Variants in GPC3 observed in about 807,000 individuals in gnomAD.
The protein encoded by GPC3 is glypican 3.
A neutral mutation model predicts 34.4 loss-of-function variants in GPC3; 3 were observed. The observed-to-expected ratio is 0.09, with a 90% CI of 0.04 to 0.23. The LOEUF (loss-of-function observed/expected upper bound fraction) is 0.23. Ranked by LOEUF, GPC3 falls within the 10% of genes least tolerant of loss-of-function variation. The pLI is 1.00. For missense variants in GPC3, 351 were observed against 445.6 expected, an observed-to-expected ratio of 0.79 and a Z score of 1.91; for synonymous variants, 177 against 174.0, an observed-to-expected ratio of 1.02 and a Z score of -0.13.
chrX:133,790,933 G>A (rs1416801289), intron 2 of GPC3, among the ~76,000 whole-genome samples: 1 of 111,856 alleles, frequency 8.9e-6, no homozygotes, highest in Non-Finnish European at 1.9e-5. Context: ...ATGAAAGATG[G>A]TGTGGGTGTG....
rs748944928 is a variant in GPC3, at chrX:133,787,418, T to C, written c.338-33242A>G. Among the ~76,000 whole-genome samples, 3 of 112,737 alleles carry C rather than the reference T, an allele frequency of 2.7e-5. No individual in the cohort carries two copies. In the South Asian group the frequency reaches 1.1e-3, roughly 42 times the overall value. ...CAATGATTAACTTTCAGGATTTTTTTCCCCATTGTTGTAGAAGGTCTTTAC... is the reference window on the plus strand; with the variant it reads ...CAATGATTAACTTTCAGGATTTTTTCCCCCATTGTTGTAGAAGGTCTTTAC... On this transcript the variant is annotated intron_variant, in intron 2 of 7. Coordinates refer to ENST00000370818, the MANE Select transcript of GPC3 (RefSeq NM_004484.4).
rs561498901 is a variant in GPC3, at chrX:133,556,090, C to T, written c.1574-19797G>A. On this transcript the variant is annotated intron_variant, in intron 7 of 7. Coordinates refer to ENST00000370818, the MANE Select transcript of GPC3 (RefSeq NM_004484.4). ...TTCTTTCAATTACCATTGTTTGCTA[C>T]GGCTTAGATTATGTTCTTATAATTT... Among the ~76,000 whole-genome samples the T allele has an allele frequency of 2.2e-4, 25 of 111,719 alleles. No individual in the cohort carries two copies. The South Asian group carries it at 2.3e-3, about 10-fold the overall frequency.
intron 6 of GPC3, among the ~76,000 whole-genome samples, chrX:133,610,783 T>G (rs2070101287): frequency 9.8e-6 from 1 of 102,317 alleles, no homozygotes; most frequent in Admixed American, 1.1e-4. Flanking sequence ...TTAGATGTAT[T>G]GAGCACCCAG....
chrX:133,881,574 G>C (rs955341862), intron 2 of GPC3, among the ~76,000 whole-genome samples: 7 of 112,247 alleles, frequency 6.2e-5, no homozygotes, highest in Admixed American at 5.7e-4. Context: ...TCTTCATGTT[G>C]ATCATCATGT....
At chrX:133,866,927 G>A (rs768532521) in intron 2 of GPC3, among the ~76,000 whole-genome samples, 21 of 111,794 alleles carry the variant, frequency 1.9e-4, no homozygotes, top group Admixed American at 4.7e-4. Flanking sequence ...GCCAAGTGCA[G>A]TGGCTCACAC....
intron 7 of GPC3, among the ~76,000 whole-genome samples, chrX:133,547,343 A>G (rs1458397468): frequency 9.0e-6 from 1 of 110,770 alleles, no homozygotes; most frequent in East Asian, 2.8e-4. Context: ...TAATTTAAAG[A>G]AAAAAAAACT....
chrX:133,575,860 A>G (rs1422002795), intron 7 of GPC3, among the ~76,000 whole-genome samples: 2 of 111,670 alleles, frequency 1.8e-5, no homozygotes, highest in Non-Finnish European at 3.8e-5. Flanking sequence ...TTTCGGGTCC[A>G]GGCTCAGGCA....
At chrX:133,660,096 G>A (rs765506886) in intron 6 of GPC3, among the ~76,000 whole-genome samples, 2 of 112,063 alleles carry the variant, frequency 1.8e-5, no homozygotes, top group African/African-American at 6.5e-5. Context: ...TGCTCACTGA[G>A]TACAGAGCAC....
chrX:133,688,936 A>C (rs1044559333), intron 5 of GPC3, among the ~76,000 whole-genome samples: 13 of 111,607 alleles, frequency 1.2e-4, no homozygotes, highest in Non-Finnish European at 2.3e-4. Context: ...ATTCCTGAGT[A>C]ATTTTTAAAA....
At chrX:133,693,191 G>A (rs1277792944) in intron 4 of GPC3, among the ~76,000 whole-genome samples, 5 of 107,687 alleles carry the variant, frequency 4.6e-5, no homozygotes, top group Non-Finnish European at 7.6e-5. Context: ...GTGTGTGTGT[G>A]TGTGTGTGTG....
chrX:133,599,692 A>G (rs2069959138), intron 6 of GPC3, among the ~76,000 whole-genome samples: 1 of 111,854 alleles, frequency 8.9e-6, no homozygotes, highest in African/African-American at 3.2e-5. Context: ...TGCTTTCGAT[A>G]TAAGCATTTT....
chrX:133,577,481 T>C (rs761152179), intron 7 of GPC3, among the ~76,000 whole-genome samples: 3 of 111,878 alleles, frequency 2.7e-5, no homozygotes, highest in Non-Finnish European at 3.8e-5. Context: ...TAAAATTCAA[T>C]ACCCTTCCTA....
intron 7 of GPC3, among the ~76,000 whole-genome samples, chrX:133,555,784 T>C (rs5977891): frequency 0.33 from 35,273 of 106,324 alleles, 8,343 homozygotes; most frequent in African/African-American, 0.81. Context: ...GCCGAGATTG[T>C]GCCACTGCAC....
intron 7 of GPC3, among the ~76,000 whole-genome samples, chrX:133,555,754 A>C (rs2124282497): frequency 9.2e-6 from 1 of 109,080 alleles, no homozygotes; most frequent in Non-Finnish European, 1.9e-5. Context: ...CTTGAACCTG[A>C]GAGGCAGAGA....
At chrX:133,769,641 A>C (rs1303900702) in intron 2 of GPC3, among the ~76,000 whole-genome samples, 1 of 111,526 alleles carries the variant, frequency 9.0e-6, no homozygotes, top group African/African-American at 3.3e-5. Context: ...ATAAAATATT[A>C]CTTGGTACCT....
chrX:133,970,193 A>T (rs1260805705), intron 1 of GPC3, among the ~76,000 whole-genome samples: 2 of 111,782 alleles, frequency 1.8e-5, no homozygotes. Flanking sequence ...TTAGGCCACT[A>T]GCTGCTGTTA....
intron 1 of GPC3, among the ~76,000 whole-genome samples, chrX:133,970,033 T>G (rs1419067529): frequency 1.8e-5 from 2 of 112,800 alleles, no homozygotes; most frequent in Non-Finnish European, 3.7e-5. Context: ...TGACAGGTAT[T>G]GATGACTATA....
intron 2 of GPC3, among the ~76,000 whole-genome samples, chrX:133,771,501 G>A (rs1325593250): frequency 8.9e-6 from 1 of 112,079 alleles, no homozygotes; most frequent in Non-Finnish European, 1.9e-5. Context: ...CTCCTCAGCT[G>A]ACCTCACTAG....
intron 2 of GPC3, among the ~76,000 whole-genome samples, chrX:133,799,640 C>T (rs987589589): frequency 9.0e-6 from 1 of 111,308 alleles, no homozygotes; most frequent in African/African-American, 3.3e-5. Flanking sequence ...CTGTTTTTTA[C>T]ATGATAAATT....
Sources: gnomAD v4.1 joint callset for allele counts (sites outside exome capture counted in the v4.1 genomes callset) on GRCh38, gnomAD v4.1.1 for gene constraint, MANE v1.5 for transcripts, NCBI Gene and HGNC (gene_info 2026-07-23, HGNC 2026-07-21) for gene names.